Variants in PDE4A observed in about 807,000 individuals in gnomAD.
The protein encoded by PDE4A is 3',5'-cyclic-AMP phosphodiesterase 4A.
PDE4A carries 21 observed loss-of-function variants against 73.9 expected under a neutral mutation model. That is an observed-to-expected ratio of 0.28 (90% CI 0.20 to 0.41). PDE4A has a LOEUF of 0.41. Among genes scored for constraint, PDE4A ranks in the 10% least tolerant of loss-of-function variants. PDE4A has a pLI of 1.00. For synonymous variants in PDE4A, 463 were observed against 505.4 expected (o/e 0.92, Z 1.13); for missense variants, 958 against 1,211.4 (o/e 0.79, Z 3.10).
chr19:10,435,593 A>ACAC (rs1555729595), intron 1 of PDE4A, among the ~76,000 whole-genome samples: 2 of 120,600 alleles, frequency 1.7e-5, no homozygotes, highest in African/African-American at 6.8e-5. Context: ...CACACACACA[A>ACAC]ACAAACAAAC....
In PDE4A at chr19:10,446,241, C is replaced by A. The variant is rs1297805178; in HGVS notation, c.344C>A (p.Thr115Lys). 6.3e-7 allele frequency: 1 copy of A among 1,585,336 alleles called. No homozygotes were observed. The highest frequency in any genetic ancestry group is 8.6e-7 in the Non-Finnish European group (1 of 1,166,298). Residue 115 changes from threonine (T) to lysine (K), a missense_variant, in exon 2 of 15, where the codon ACA becomes AAA. By Grantham distance (78) the Thr-to-Lys change is moderately conservative (BLOSUM62 -1). This residue lies in a region of PDE4A where 570 missense variants were observed against 827.7 expected (regional missense o/e 0.69). Transcript: ENST00000380702. Reference sequence around the variant, plus strand: ...AGCTTCGAGGCAGAGAATGGGCCGACACCATCTCCTGGCCGCAGCCCCCTG... The same window carrying A: ...AGCTTCGAGGCAGAGAATGGGCCGAAACCATCTCCTGGCCGCAGCCCCCTG... Reference protein sequence around the residue: ...SRRFEAENGPTPSPGRSPLDS... With the variant: ...SRRFEAENGPKPSPGRSPLDS...
intron 7 of PDE4A, among the ~76,000 whole-genome samples, chr19:10,457,053 C>T (rs2043181107): frequency 6.6e-6 from 1 of 151,482 alleles, no homozygotes; most frequent in Non-Finnish European, 1.5e-5. Context: ...TAAAAATTAG[C>T]CGGGCGCGGT....
chr19:10,455,777 A>C lies in PDE4A; in HGVS notation c.877+855A>C, dbSNP rs1318190505. On this transcript the variant is annotated intron_variant, in intron 7 of 14. Coordinates refer to ENST00000380702, the MANE Select transcript of PDE4A (RefSeq NM_001111307.2). ...GACTCTGTCTCAAAAAATAAACAAA[A>C]AAAAAAAGCCTCCAAGCTGAAAAGC... is the stretch of plus-strand genomic sequence containing the variant. 4.0e-5 allele frequency among the ~76,000 whole-genome samples: 6 copies of C among 151,676 alleles called. No individual in the cohort carries two copies. In the South Asian group the frequency reaches 8.3e-4, roughly 21 times the overall value.
chr19:10,453,046 G>A lies in PDE4A; in HGVS notation c.784-1783G>A, dbSNP rs1231402617. 1.3e-5 allele frequency: 17 copies of A among 1,338,994 alleles called. No individual in the cohort carries two copies. The highest frequency in any genetic ancestry group is 1.2e-4 in the East Asian group (4 of 32,660). The allele number at this position is 1,338,994 out of a possible 1,614,324, so 82.9% of individuals were successfully genotyped here. ...TCCACCCACTGCCGCGGGGGGGCCCGTTGGGGCCCAGGGCTGGCGGGCCAT... is the reference window on the plus strand; with the variant it reads ...TCCACCCACTGCCGCGGGGGGGCCCATTGGGGCCCAGGGCTGGCGGGCCAT... On this transcript the variant is annotated intron_variant, in intron 6 of 14. Coordinates refer to ENST00000380702, the MANE Select transcript of PDE4A (RefSeq NM_001111307.2). The surrounding 1 kb of genome is among the most constrained non-coding windows in gnomAD (Gnocchi z 4.6).
chr19:10,416,957 C>T, upstream of PDE4A: 1 of 1,544,950 alleles, frequency 6.5e-7, no homozygotes, highest in East Asian at 2.4e-5. Flanking sequence ...AGAGGAGTCG[C>T]AGTGCCCTGT....
intron 1 of PDE4A, among the ~76,000 whole-genome samples, chr19:10,429,312 AAAG>A: frequency 1.3e-5 from 2 of 151,994 alleles, no homozygotes; most frequent in African/African-American, 4.8e-5. Flanking sequence ...GAGAGGAAGG[AAAG>A]AAAGAAAAGA....
chr19:10,436,265 C>A (rs190862397), intron 1 of PDE4A, among the ~76,000 whole-genome samples: 3 of 152,056 alleles, frequency 2.0e-5, no homozygotes, highest in Non-Finnish European at 4.4e-5. Context: ...GTTAACAGGA[C>A]TTATATGTTG....
chr19:10,448,810 A>T, intron 2 of PDE4A, 107 bp from the exon 3 acceptor site: 1 of 1,564,960 alleles, frequency 6.4e-7, no homozygotes, highest in Non-Finnish European at 8.6e-7. Flanking sequence ...GGTCCCACAG[A>T]GTCCCCTCCC....
At chr19:10,435,781 C>T (rs2042857984) in intron 1 of PDE4A, among the ~76,000 whole-genome samples, 1 of 152,096 alleles carries the variant, frequency 6.6e-6, no homozygotes, top group Non-Finnish European at 1.5e-5. Flanking sequence ...TTGGGCCACC[C>T]TGAGCAGTCA....
chr19:10,445,726 C>T (rs953471820), intron 1 of PDE4A, among the ~76,000 whole-genome samples: 8 of 149,820 alleles, frequency 5.3e-5, no homozygotes, highest in African/African-American at 1.7e-4. Context: ...CAAGATCACA[C>T]CACTGCACTA....
intron 1 of PDE4A, among the ~76,000 whole-genome samples, chr19:10,441,072 C>G (rs576044768): frequency 2.6e-5 from 4 of 151,902 alleles, no homozygotes; most frequent in African/African-American, 9.7e-5. Context: ...CCTCTGTCGT[C>G]CAGGCTGGAG....
intron 1 of PDE4A, chr19:10,423,063 C>T (rs2042670824): frequency 1.0e-6 from 1 of 982,242 alleles, no homozygotes; most frequent in South Asian, 4.7e-5. Flanking sequence ...GGGACTTTTC[C>T]ATATGCATCC....
rs1343462192 is a variant in PDE4A, at chr19:10,453,842, C to T, written c.784-987C>T. Among the ~76,000 whole-genome samples, 1 of 151,922 alleles carries T rather than the reference C, an allele frequency of 6.6e-6. No homozygotes were observed. Among genetic ancestry groups the T allele is most frequent in the Non-Finnish European group, 1.5e-5 (1 of 67,962 alleles). On this transcript the variant is annotated intron_variant, in intron 6 of 14. Coordinates refer to ENST00000380702, the MANE Select transcript of PDE4A (RefSeq NM_001111307.2). This position sits in a 1 kb window ranked among gnomAD's most constrained non-coding sequence, Gnocchi z 4.6. ...GTGGTTGTGTGAGATTTTGTGGGTC[C>T]ATCTTGTGTGGATGTGTGTGTCTCT...
intron 1 of PDE4A, among the ~76,000 whole-genome samples, chr19:10,435,031 A>G (rs1450059243): frequency 2.0e-5 from 3 of 151,428 alleles, no homozygotes; most frequent in African/African-American, 7.3e-5. Flanking sequence ...GCCTGGCCAT[A>G]GTTCTTGTTA....
At chr19:10,420,226 C>A, upstream of PDE4A, 1 of 208,032 alleles carries the variant, frequency 4.8e-6, no homozygotes, top group Non-Finnish European at 8.4e-6. This position sits in a 1 kb window ranked among gnomAD's most constrained non-coding sequence, Gnocchi z 6.0. Context: ...GACTGACACT[C>A]TGGCAACCAG....
At chr19:10,459,184 C>T in intron 8 of PDE4A, 1 of 747,426 alleles carries the variant, frequency 1.3e-6, no homozygotes, top group African/African-American at 1.8e-5. Context: ...CAATACTTGG[C>T]AGATCATAAG....
intron 1 of PDE4A, among the ~76,000 whole-genome samples, chr19:10,445,216 G>T (rs940507124): frequency 3.3e-5 from 5 of 152,204 alleles, no homozygotes; most frequent in Non-Finnish European, 7.3e-5. Flanking sequence ...ACAGGAGGTG[G>T]GTACTAGGGC....
chr19:10,459,350 A>G, intron 8 of PDE4A, 50 bp from the exon 9 acceptor site: 1 of 1,613,546 alleles, frequency 6.2e-7, no homozygotes, highest in Non-Finnish European at 8.5e-7. Context: ...AATGTTCTCC[A>G]GGGCCCTGAG....
intron 1 of PDE4A, among the ~76,000 whole-genome samples, chr19:10,437,847 C>G (rs1023013501): frequency 6.0e-4 from 90 of 151,000 alleles, no homozygotes; most frequent in African/African-American, 2.1e-3. Context: ...CTCTATCACC[C>G]AGGCTGGAGT....
Sources: allele counts gnomAD v4.1 joint callset (sites outside exome capture counted in the v4.1 genomes callset), GRCh38; gene constraint gnomAD v4.1.1; regional missense constraint gnomAD v4.1.1; non-coding constraint Gnocchi (gnomAD v3.1); transcripts MANE v1.5; gene names NCBI Gene and HGNC (gene_info 2026-07-23, HGNC 2026-07-21).